Variants in LAMA2 observed in about 807,000 individuals in gnomAD.
The protein encoded by LAMA2 is laminin subunit alpha-2.
In LAMA2, 269 loss-of-function variants were observed where a neutral mutation model predicts 364.8. The ratio of observed to expected loss-of-function variants is 0.74; its 90% CI spans 0.67 to 0.82. LAMA2 has a LOEUF of 0.82. Ranked by LOEUF, LAMA2 falls within the 40% of genes least tolerant of loss-of-function variation. The probability of loss-of-function intolerance (pLI) is 0.00; values close to 1 mark genes in which losing one functional copy is unlikely to be tolerated. For synonymous variants in LAMA2, 1,379 were observed against 1,370.6 expected, an observed-to-expected ratio of 1.01 and a Z score of -0.14; for missense variants, 3,807 against 3,873.2, an observed-to-expected ratio of 0.98 and a Z score of 0.45.
chr6:129,176,656 A>G (rs1038712992), intron 9 of LAMA2, among the ~76,000 whole-genome samples: 1 of 152,168 alleles, frequency 6.6e-6, no homozygotes, highest in African/African-American at 2.4e-5. Flanking sequence ...TTATCAATGT[A>G]AAATGAGAGC....
chr6:128,926,170 G>A (rs1164065265), intron 1 of LAMA2, among the ~76,000 whole-genome samples: 1 of 151,864 alleles, frequency 6.6e-6, no homozygotes, highest in Admixed American at 6.6e-5. Context: ...TCACCTACAT[G>A]GGGAGGTAGA....
intron 53 of LAMA2, 104 bp downstream of exon 53, chr6:129,475,505 T>C (rs950224877): frequency 2.4e-5 from 19 of 791,160 alleles, no homozygotes; most frequent in Non-Finnish European, 3.6e-5. Flanking sequence ...CCAGTACAGC[T>C]TTGTTCATAG....
intron 1 of LAMA2, among the ~76,000 whole-genome samples, chr6:128,932,373 C>T (rs941816097): frequency 2.6e-5 from 4 of 152,214 alleles, no homozygotes; most frequent in Non-Finnish European, 5.9e-5. Flanking sequence ...CAAGTGTTTA[C>T]TGAAAGCTTA....
rs1314718224 is a variant in LAMA2, at chr6:128,895,797, A to G, written c.112+12440A>G. On this transcript the variant is annotated intron_variant, in intron 1 of 64. Coordinates refer to ENST00000421865, the MANE Select transcript of LAMA2 (RefSeq NM_000426.4). ...CATAGAAAGAATTCCTGTTGGAAGC[A>G]CTGGATATCGTATTTCTCAAAATAT... is the stretch of plus-strand genomic sequence containing the variant. Among the ~76,000 whole-genome samples the G allele has an allele frequency of 2.0e-5, 3 of 152,196 alleles. No individual in the cohort carries two copies. In the East Asian group the frequency reaches 5.8e-4, roughly 29 times the overall value.
At chr6:129,052,201 T>C (rs112490641) in intron 2 of LAMA2, among the ~76,000 whole-genome samples, 1 of 149,716 alleles carries the variant, frequency 6.7e-6, no homozygotes, top group Non-Finnish European at 1.5e-5. Context: ...AGTGGCGCGA[T>C]CTCGGCTCAC....
intron 1 of LAMA2, chr6:128,930,004 C>A (rs1562841763): frequency 7.6e-6 from 4 of 529,474 alleles, no homozygotes; most frequent in Non-Finnish European, 6.8e-6. Flanking sequence ...CGTTATCCCA[C>A]GCTGCCAGCC....
chr6:129,101,049 C>T (rs991577351), intron 4 of LAMA2, among the ~76,000 whole-genome samples: 1 of 152,162 alleles, frequency 6.6e-6, no homozygotes, highest in Non-Finnish European at 1.5e-5. Flanking sequence ...TTCACATAAT[C>T]CCTGGAATAC....
At chr6:129,174,177 C>A (rs538347693) in intron 9 of LAMA2, among the ~76,000 whole-genome samples, 2 of 151,824 alleles carry the variant, frequency 1.3e-5, no homozygotes, top group Admixed American at 1.3e-4. Context: ...TCTCATCTAT[C>A]CCAAGATTAG....
At chr6:129,416,041 C>T (rs1273649671) in intron 40 of LAMA2, among the ~76,000 whole-genome samples, 1 of 49,712 alleles carries the variant, frequency 2.0e-5, no homozygotes, top group Non-Finnish European at 3.9e-5. Context: ...CTCCGCCTCC[C>T]GGGTTCACGC....
At position 129,401,351 on chromosome 6, in the gene LAMA2, G is replaced by T. The variant is rs1779963904; in HGVS notation, c.5562+11G>T. On this transcript the variant is annotated intron_variant, in intron 38 of 64. Coordinates refer to ENST00000421865, the MANE Select transcript of LAMA2 (RefSeq NM_000426.4). ...AACTCCATCATAGACGTGAGTATTGGGTAAAACTCAAAAGAGAGATGATAA... is the reference window on the plus strand; with the variant it reads ...AACTCCATCATAGACGTGAGTATTGTGTAAAACTCAAAAGAGAGATGATAA... 2 of 1,479,856 alleles carry T rather than the reference G, an allele frequency of 1.4e-6. No individual in the cohort carries two copies. The highest frequency in any genetic ancestry group is 1.7e-4 in the Middle Eastern group (1 of 5,772). The allele number at this position is 1,479,856 out of a possible 1,614,324, so 91.7% of individuals were successfully genotyped here. A position where few individuals can be genotyped will look rare whatever the true frequency, so the allele number is the denominator to read the frequency against.
rs1583863086 is a variant in LAMA2, at chr6:129,486,608, A to G, written c.7884A>G (p.Val2628=). 5 of 1,613,768 alleles carry G rather than the reference A, an allele frequency of 3.1e-6. No individual in the cohort carries two copies. In the East Asian group the frequency reaches 8.9e-5, roughly 29 times the overall value. ...ATGGAAGAGAACATTCCGTTCATGT[A>G]GAGCGAACTAGAGGGTAACAATAGC... The part of the protein sequence containing the change: ...FHDGREHSVH[V]ERTRGIFTVQ... Residue 2628 remains valine (V), a synonymous_variant, in exon 56 of 65, where the codon GTA becomes GTG. Transcript: ENST00000421865.
intron 29 of LAMA2, 104 bp downstream of exon 29, chr6:129,328,516 C>T: frequency 6.4e-7 from 1 of 1,551,672 alleles, no homozygotes; most frequent in South Asian, 1.1e-5. Flanking sequence ...GGGAATGCAA[C>T]TGTGTGTGTG....
At chr6:129,445,418 C>A (rs1229705167) in intron 44 of LAMA2, among the ~76,000 whole-genome samples, 1 of 152,148 alleles carries the variant, frequency 6.6e-6, no homozygotes, top group Non-Finnish European at 1.5e-5. Flanking sequence ...TCTCTACCTT[C>A]AATGCTAATT....
chr6:129,125,463 G>A (rs926047184), intron 4 of LAMA2, among the ~76,000 whole-genome samples: 2 of 152,160 alleles, frequency 1.3e-5, no homozygotes, highest in Non-Finnish European at 2.9e-5. Context: ...TACCTTTAGA[G>A]GTCAGAGAGA....
intron 31 of LAMA2, among the ~76,000 whole-genome samples, chr6:129,352,333 T>C (rs1776896990): frequency 2.0e-5 from 3 of 152,200 alleles, no homozygotes; most frequent in African/African-American, 7.2e-5. Flanking sequence ...AAGAGTCAAT[T>C]AATGGACTGC....
intron 1 of LAMA2, among the ~76,000 whole-genome samples, chr6:128,945,091 A>T (rs1780410804): frequency 6.6e-6 from 1 of 152,200 alleles, no homozygotes; most frequent in Non-Finnish European, 1.5e-5. Context: ...GGCAAATATC[A>T]TACAGAAGAG....
rs201274841 is a variant in LAMA2 at position 129,464,409 on chromosome 6, T to C, written c.7112T>C (p.Phe2371Ser). 41 of 1,612,284 alleles carry C rather than the reference T, an allele frequency of 2.5e-5. No individual in the cohort carries two copies. The highest frequency in any genetic ancestry group is 3.4e-5 in the Non-Finnish European group (40 of 1,178,774). Reference protein sequence around the residue: ...ISTVMFKFRTFSSSALLMYLA... With the variant: ...ISTVMFKFRTSSSSALLMYLA... ...ACTGTCATGTTCAAGTTCAGAACAT[T>C]TTCTTCGAGTGCTCTTCTGATGTAT... is the stretch of plus-strand genomic sequence containing the variant. The change falls in exon 50 of 65, where the codon TTT (phenylalanine) becomes TCT (serine). Residue 2371 changes from phenylalanine (F) to serine (S), a missense_variant. Transcript: ENST00000421865.
At chr6:129,192,954 C>G in intron 12 of LAMA2, 101 bp downstream of exon 12, 2 of 1,199,966 alleles carry the variant, frequency 1.7e-6, no homozygotes, top group Non-Finnish European at 2.4e-6. Flanking sequence ...ATCAAATACA[C>G]ACTGAATTGG....
chr6:128,897,960 G>A (rs1452037255), intron 1 of LAMA2, among the ~76,000 whole-genome samples: 1 of 152,186 alleles, frequency 6.6e-6, no homozygotes, highest in Non-Finnish European at 1.5e-5. Context: ...ACACCTTGCT[G>A]GCTGAGTGCT....
Sources: allele counts gnomAD v4.1 joint callset (sites outside exome capture counted in the v4.1 genomes callset), GRCh38; gene constraint gnomAD v4.1.1; transcripts MANE v1.5; gene names NCBI Gene and HGNC (gene_info 2026-07-23, HGNC 2026-07-21).